Variants in SLC9A9 observed in about 807,000 individuals in gnomAD.
SLC9A9 encodes the protein solute carrier family 9 member A9, also known as sodium/hydrogen exchanger 9.
Under a neutral mutation model 77.8 loss-of-function variants are expected in SLC9A9, and 62 were observed. That is an observed-to-expected ratio of 0.80 (90% confidence interval 0.65 to 0.98). The LOEUF (loss-of-function observed/expected upper bound fraction) is 0.98, where lower values mean the gene tolerates loss of function less well. SLC9A9 is among the 50% of genes least tolerant of loss of function. The pLI is 0.00. For missense variants in SLC9A9, 775 were observed against 774.9 expected, an observed-to-expected ratio of 1.00 and a Z score of 0.00; for synonymous variants, 320 against 283.5, an observed-to-expected ratio of 1.13 and a Z score of -1.29.
chr3:143,425,753 C>T (rs1006885285), intron 12 of SLC9A9, among the ~76,000 whole-genome samples: 17 of 152,268 alleles, frequency 1.1e-4, no homozygotes, highest in Middle Eastern at 3.4e-3. Flanking sequence ...GAACAGATAG[C>T]CTCTGACAAG....
intron 4 of SLC9A9, among the ~76,000 whole-genome samples, chr3:143,741,614 A>C (rs1935074492): frequency 6.6e-6 from 1 of 152,180 alleles, no homozygotes; most frequent in African/African-American, 2.4e-5. Context: ...GAAAGAGGGA[A>C]AAATCGTAAC....
At chr3:143,389,994 G>A (rs1412997389) in intron 12 of SLC9A9, among the ~76,000 whole-genome samples, 3 of 152,160 alleles carry the variant, frequency 2.0e-5, no homozygotes, top group African/African-American at 7.2e-5. Flanking sequence ...TGCCCCTCTG[G>A]GTTTCCACCA....
intron 6 of SLC9A9, among the ~76,000 whole-genome samples, chr3:143,619,556 C>T (rs1209607069): frequency 4.6e-5 from 7 of 152,122 alleles, no homozygotes; most frequent in East Asian, 1.9e-4. Context: ...CAATGATTTG[C>T]GTTGCCCTAG....
intron 9 of SLC9A9, chr3:143,518,070 T>C (rs1331985671): frequency 6.5e-7 from 1 of 1,542,656 alleles, no homozygotes; most frequent in East Asian, 2.2e-5. Context: ...TCCTTGGTAT[T>C]TTCTTCTGAT....
chr3:143,398,922 G>A (rs1053217598), intron 12 of SLC9A9, among the ~76,000 whole-genome samples: 1 of 151,970 alleles, frequency 6.6e-6, no homozygotes, highest in Non-Finnish European at 1.5e-5. Flanking sequence ...TTAACACTCT[G>A]TAAGACCATA....
chr3:143,749,453 G>T (rs2006640783), intron 4 of SLC9A9, among the ~76,000 whole-genome samples: 1 of 152,224 alleles, frequency 6.6e-6, no homozygotes, highest in South Asian at 2.1e-4. Context: ...TGGATACTTG[G>T]TTGAAATTCC....
Position 143,382,057 on chromosome 3 carries a change from T to C in SLC9A9, c.1524+3A>G, listed in dbSNP as rs571908950. On this transcript the variant is annotated splice_donor_region_variant and intron_variant, in intron 13 of 15. Coordinates refer to ENST00000316549, the MANE Select transcript of SLC9A9 (RefSeq NM_173653.4). The stretch of plus-strand genomic sequence containing the variant: ...ATAATGTGCATTGGTTTCTTTGACT[T>C]GCCTGGTGTTGTGAGGAGGGGTCCT... 3.7e-6 allele frequency: 6 copies of C among 1,614,136 alleles called. No individual in the cohort carries two copies. In the South Asian group the frequency reaches 6.6e-5, roughly 18 times the overall value.
intron 12 of SLC9A9, among the ~76,000 whole-genome samples, chr3:143,427,006 T>C (rs2034419331): frequency 6.6e-6 from 1 of 152,232 alleles, no homozygotes; most frequent in Non-Finnish European, 1.5e-5. Flanking sequence ...TACTGGTATC[T>C]ACAAGGCATT....
chr3:143,727,714 A>C (rs1272221664), intron 4 of SLC9A9, among the ~76,000 whole-genome samples: 1 of 152,244 alleles, frequency 6.6e-6, no homozygotes, highest in African/African-American at 2.4e-5. Context: ...AGCTGAGAAA[A>C]TAAAACGAAT....
At chr3:143,482,693 T>C (rs2035592804) in intron 11 of SLC9A9, among the ~76,000 whole-genome samples, 1 of 152,232 alleles carries the variant, frequency 6.6e-6, no homozygotes, top group South Asian at 2.1e-4. Flanking sequence ...CTCCTGGTTC[T>C]TATTTAGTTT....
At chr3:143,340,851 G>T (rs2032076205) in intron 14 of SLC9A9, among the ~76,000 whole-genome samples, 1 of 152,106 alleles carries the variant, frequency 6.6e-6, no homozygotes, top group Non-Finnish European at 1.5e-5. Context: ...AAATGAGTTG[G>T]TACAAGAAAT....
intron 6 of SLC9A9, among the ~76,000 whole-genome samples, chr3:143,614,507 T>C (rs2038072347): frequency 6.6e-6 from 1 of 152,192 alleles, no homozygotes; most frequent in Non-Finnish European, 1.5e-5. Context: ...TAATTCATAG[T>C]TCTCCAACAG....
At chr3:143,628,233 G>T (rs1180299275) in intron 6 of SLC9A9, among the ~76,000 whole-genome samples, 1 of 152,118 alleles carries the variant, frequency 6.6e-6, no homozygotes, top group Non-Finnish European at 1.5e-5. Context: ...CTCCACTTAC[G>T]ATGGGGTTAC....
At chr3:143,428,942 T>C (rs180729288) in intron 12 of SLC9A9, among the ~76,000 whole-genome samples, 13 of 152,276 alleles carry the variant, frequency 8.5e-5, no homozygotes, top group African/African-American at 3.1e-4. Context: ...GAGGAGAGGC[T>C]GGTCAATAGG....
At chr3:143,833,163 G>A (rs961327979) in intron 1 of SLC9A9, among the ~76,000 whole-genome samples, 1 of 152,188 alleles carries the variant, frequency 6.6e-6, no homozygotes. Context: ...TAGGACTGAT[G>A]TATGTGTTTT....
intron 4 of SLC9A9, among the ~76,000 whole-genome samples, chr3:143,732,896 G>A (rs145771862): frequency 5.9e-4 from 90 of 152,272 alleles, no homozygotes; most frequent in African/African-American, 2.1e-3. Context: ...GCAACATAAG[G>A]CTGTCTTACT....
intron 14 of SLC9A9, among the ~76,000 whole-genome samples, chr3:143,361,661 G>A (rs1403574904): frequency 2.6e-5 from 4 of 152,138 alleles, no homozygotes; most frequent in South Asian, 4.1e-4. Context: ...TGTGCAGGAG[G>A]ATAAATTACC....
intron 12 of SLC9A9, among the ~76,000 whole-genome samples, chr3:143,416,705 C>CT (rs1216619545): frequency 2.6e-5 from 4 of 152,126 alleles, no homozygotes; most frequent in African/African-American, 9.7e-5. Context: ...GTGATATTCA[C>CT]TTTATTACAG....
chr3:143,518,158 G>T, intron 9 of SLC9A9: 10 of 1,600,180 alleles, frequency 6.2e-6, no homozygotes, highest in Non-Finnish European at 7.6e-6. Context: ...TTTCCTCGGT[G>T]TGCAGAACGC....
Sources: gnomAD v4.1 joint callset for allele counts (sites outside exome capture counted in the v4.1 genomes callset) on GRCh38, gnomAD v4.1.1 for gene constraint, MANE v1.5 for transcripts, NCBI Gene and HGNC (gene_info 2026-07-23, HGNC 2026-07-21) for gene names.